The following PARP16 variants were observed in gnomAD, a reference collection of about 807,000 sequenced individuals.
PARP16 encodes protein mono-ADP-ribosyltransferase PARP16.
In PARP16, 31 loss-of-function variants were observed where a neutral mutation model predicts 35.0. The observed-to-expected ratio is 0.88, with a 90% CI of 0.66 to 1.19. PARP16 has a LOEUF of 1.19. Among genes scored for constraint, PARP16 ranks in the 50% most tolerant of loss-of-function variants. PARP16 has a pLI of 0.00. For synonymous variants in PARP16, 162 were observed against 169.5 expected (o/e 0.96, Z 0.34); for missense variants, 424 against 411.2 (o/e 1.03, Z -0.27).
At chr15:65,252,643 G>A (rs2089389999) in intron 2 of PARP16, among the ~76,000 whole-genome samples, 1 of 152,142 alleles carries the variant, frequency 6.6e-6, no homozygotes, top group Admixed American at 6.5e-5. Flanking sequence ...TGATTCCAGC[G>A]GCCCCACCCC....
chr15:65,261,003 G>T lies in PARP16; in HGVS notation c.715C>A (p.Arg239=). The change falls in exon 5 of 6, where the codon CGA becomes AGA. Residue 239 remains arginine, a synonymous_variant. Coordinates refer to ENST00000649807, the MANE Select transcript of PARP16 (RefSeq NM_001316943.2). Reference sequence around the variant, plus strand: ...CCTTCACTATGTTTGATTCTCGCTCGTCTGCGATCTATCTCCTTGGAATCT... The same window carrying T: ...CCTTCACTATGTTTGATTCTCGCTCTTCTGCGATCTATCTCCTTGGAATCT... ...KKDSKEIDRR[R]ARIKHSEGGD... 1 of 1,613,604 alleles carries T rather than the reference G, an allele frequency of 6.2e-7. No homozygotes were observed. Among genetic ancestry groups the T allele is most frequent in the South Asian group, 1.1e-5 (1 of 91,046 alleles).
chr15:65,259,677 G>A (rs1169215027), intron 5 of PARP16, 135 bp from the exon 6 acceptor site: 17 of 851,618 alleles, frequency 2.0e-5, no homozygotes, highest in South Asian at 1.6e-4. Context: ...ATGAAGCTTC[G>A]TGCTTCCTTG....
downstream of PARP16, among the ~76,000 whole-genome samples, chr15:65,233,523 G>C (rs1329546350): frequency 1.3e-5 from 2 of 152,178 alleles, no homozygotes; most frequent in Non-Finnish European, 2.9e-5. Context: ...CAGATCACTT[G>C]AGGCCAGTTC....
At chr15:65,233,742 T>TAA (rs796305887), downstream of PARP16, among the ~76,000 whole-genome samples, 5 of 117,864 alleles carry the variant, frequency 4.2e-5, no homozygotes, top group African/African-American at 1.6e-4. Flanking sequence ...TCACAAAAAT[T>TAA]AAAAAAAAAA....
At chr15:65,237,367 T>C (rs2088911253) in intron 3 of PARP16, among the ~76,000 whole-genome samples, 1 of 152,200 alleles carries the variant, frequency 6.6e-6, no homozygotes, top group Non-Finnish European at 1.5e-5. Context: ...TCCCAAAAGA[T>C]GTGTCTACAT....
rs1233896826 is a variant in PARP16, at chr15:65,273,276, C to CAAAAAAAAAAAAAA, written c.175-2218_175-2205dup. Among the ~76,000 whole-genome samples, 56 of 57,506 alleles carry CAAAAAAAAAAAAAA rather than the reference C, an allele frequency of 9.7e-4. 5 individuals carry two copies. The highest frequency in any genetic ancestry group is 3.1e-3 in the East Asian group (4 of 1,276). 37.7% of individuals were successfully genotyped at this position (57,506 alleles called of 152,430 possible). On this transcript the variant is annotated intron_variant, in intron 1 of 5. Coordinates refer to ENST00000649807, the MANE Select transcript of PARP16 (RefSeq NM_001316943.2). ...CTGGTGACAGAGAGAGACTCTGTCT[C>CAAAAAAAAAAAAAA]AAAAAAAAAAAAAAAAAAGAATACC...
At chr15:65,246,800 T>A (rs1281265295) in intron 3 of PARP16, among the ~76,000 whole-genome samples, 4 of 151,962 alleles carry the variant, frequency 2.6e-5, no homozygotes, top group Non-Finnish European at 5.9e-5. Flanking sequence ...AGGGCCAGAT[T>A]TTCTCCCCCA....
chr15:65,260,929 C>G lies in PARP16; in HGVS notation c.789G>C (p.Leu263=). 6.2e-7 allele frequency: 1 copy of G among 1,614,042 alleles called. No individual in the cohort carries two copies. The highest frequency in any genetic ancestry group is 2.2e-5 in the East Asian group (1 of 44,878). The change falls in exon 5 of 6, where the codon CTG becomes CTC. Residue 263 remains leucine (L), a synonymous_variant. Transcript: ENST00000649807. ...KYFVVTNNQL[L]RVKYLLVYSQ... ...AATACACCAGGAGGTACTTCACTCG[C>G]AGCAGCTGGTTATTGGTGACCACGA...
Position 65,237,299 on chromosome 15 carries a change from T to A in PARP16, c.*98-2476A>T, listed in dbSNP as rs561947591. On this transcript the variant is annotated intron_variant and NMD_transcript_variant, in intron 3 of 3. Coordinates refer to the PARP16 transcript ENST00000559805. The stretch of plus-strand genomic sequence containing the variant: ...ACACAGGAAGTCCTGCCATTTTGCA[T>A]CACTCGGTGAGTCACCCCTTATTTG... Among the ~76,000 whole-genome samples, 4 of 152,292 alleles carry A rather than the reference T, an allele frequency of 2.6e-5. No individual in the cohort carries two copies. The East Asian group carries it at 7.7e-4, about 29-fold the overall frequency.
At chr15:65,247,829 G>T (rs983704525) in intron 3 of PARP16, among the ~76,000 whole-genome samples, 2 of 144,332 alleles carry the variant, frequency 1.4e-5, no homozygotes, top group African/African-American at 5.2e-5. Flanking sequence ...TTTTGAGACG[G>T]AGTCTTGCTT....
chr15:65,244,333 T>C (rs1414985594), intron 3 of PARP16, among the ~76,000 whole-genome samples: 1 of 152,222 alleles, frequency 6.6e-6, no homozygotes, highest in Non-Finnish European at 1.5e-5. Flanking sequence ...TACCCAAGAC[T>C]GGGTAATTTA....
intron 1 of PARP16, among the ~76,000 whole-genome samples, chr15:65,280,906 T>A (rs1008505959): frequency 1.6e-4 from 24 of 152,154 alleles, no homozygotes; most frequent in African/African-American, 5.3e-4. Flanking sequence ...ATGCAGTGCT[T>A]TTCAGACTTC....
downstream of PARP16, among the ~76,000 whole-genome samples, chr15:65,255,758 A>G (rs1026575760): frequency 1.6e-4 from 24 of 151,358 alleles, no homozygotes; most frequent in Admixed American, 2.6e-4. Flanking sequence ...AAAAAAAAAA[A>G]AAAGAAAAAA....
intron 1 of PARP16, among the ~76,000 whole-genome samples, chr15:65,273,821 A>G (rs1389332463): frequency 1.3e-5 from 2 of 151,074 alleles, no homozygotes; most frequent in African/African-American, 2.4e-5. Flanking sequence ...GGTTGCAGTG[A>G]GCCAAGATCA....
chr15:65,268,502 G>C lies in PARP16; in HGVS notation c.313-1734C>G, dbSNP rs112472940. On this transcript the variant is annotated intron_variant, in intron 2 of 5. Coordinates refer to ENST00000649807, the MANE Select transcript of PARP16 (RefSeq NM_001316943.2). ...GCTCTGTCGCCCAGGCTGGAGTGCAGTGGTGTGATCCTAGCTCATCGCAGC... is the reference window on the plus strand; with the variant it reads ...GCTCTGTCGCCCAGGCTGGAGTGCACTGGTGTGATCCTAGCTCATCGCAGC... 6.9e-3 allele frequency among the ~76,000 whole-genome samples: 1,044 copies of C among 152,344 alleles called. 11 individuals are homozygous for C. The highest frequency in any genetic ancestry group is 0.024 in the African/African-American group (1,006 of 41,576).
At chr15:65,281,788 A>G (rs2090429661) in intron 1 of PARP16, among the ~76,000 whole-genome samples, 1 of 152,290 alleles carries the variant, frequency 6.6e-6, no homozygotes, top group South Asian at 2.1e-4. Context: ...CAGTGGTAAG[A>G]TAAGGCTAGA....
intron 3 of PARP16, among the ~76,000 whole-genome samples, chr15:65,243,759 A>G (rs1186185745): frequency 6.6e-6 from 1 of 152,046 alleles, no homozygotes; most frequent in Non-Finnish European, 1.5e-5. Flanking sequence ...TTTAACTATT[A>G]TATAAATTCC....
chr15:65,264,994 C>T (rs940633652), intron 3 of PARP16, among the ~76,000 whole-genome samples: 2 of 152,238 alleles, frequency 1.3e-5, no homozygotes, highest in African/African-American at 4.8e-5. Context: ...AGGGGAAGCC[C>T]CCTGAATTCC....
intron 1 of PARP16, among the ~76,000 whole-genome samples, chr15:65,285,294 C>T (rs2090555462): frequency 6.6e-6 from 1 of 152,082 alleles, no homozygotes; most frequent in South Asian, 2.1e-4. Flanking sequence ...TGCGCCACCA[C>T]GCCCGGCTAA....
Sources: gnomAD v4.1 joint callset for allele counts (sites outside exome capture counted in the v4.1 genomes callset) on GRCh38, gnomAD v4.1.1 for gene constraint, MANE v1.5 for transcripts, NCBI Gene and HGNC (gene_info 2026-07-23, HGNC 2026-07-21) for gene names.